NUDT5: variants seen among roughly 807,000 people sequenced by gnomAD.
NUDT5 encodes ADP-sugar pyrophosphatase.
In NUDT5, 21 loss-of-function variants were observed where a neutral mutation model predicts 34.1. The observed-to-expected ratio is 0.62, with a 90% CI of 0.44 to 0.89. The LOEUF (loss-of-function observed/expected upper bound fraction) is 0.89. NUDT5 is among the 40% of genes least tolerant of loss of function. The pLI is 0.00. For synonymous variants in NUDT5, 85 were observed against 97.6 expected (o/e 0.87, Z 0.76); for missense variants, 249 against 274.8 (o/e 0.91, Z 0.66).
At chr10:12,192,320 G>A (rs1835245578) in intron 1 of NUDT5, among the ~76,000 whole-genome samples, 1 of 151,160 alleles carries the variant, frequency 6.6e-6, no homozygotes. Flanking sequence ...AAAAAGAAAA[G>A]AAAAGAAAAG....
In NUDT5 at chr10:12,172,765, C is replaced by A; in HGVS notation, c.487G>T (p.Gly163Trp). 6.2e-7 allele frequency: 1 copy of A among 1,610,776 alleles called. No homozygotes were observed. The highest frequency in any genetic ancestry group is 8.5e-7 in the Non-Finnish European group (1 of 1,176,904). The change falls in exon 7 of 10, where the codon GGG becomes TGG. Residue 163 changes from glycine (G) to tryptophan (W), a missense_variant and splice_region_variant. Transcript: ENST00000491614. Reference sequence around the variant, plus strand: ...TTCATCACAGCCGACACACACATACCTGGCTTTGGCTTCGGCCTTGCGTTT... The same window carrying A: ...TTCATCACAGCCGACACACACATACATGGCTTTGGCTTCGGCCTTGCGTTT... ...AENARPKPKPGDGEFVEVISL... is the reference protein window; with the variant it reads ...AENARPKPKPWDGEFVEVISL...
At chr10:12,177,744 T>G (rs1167567838) in intron 5 of NUDT5, 49 bp downstream of exon 5, 2 of 1,336,494 alleles carry the variant, frequency 1.5e-6, no homozygotes, top group African/African-American at 2.9e-5. Context: ...GGCTTTACCC[T>G]GGTTCAGGCC....
At chr10:12,193,373 C>T (rs1006849681) in intron 1 of NUDT5, among the ~76,000 whole-genome samples, 1 of 152,162 alleles carries the variant, frequency 6.6e-6, no homozygotes, top group Non-Finnish European at 1.5e-5. Context: ...GATGATTAGT[C>T]ATGCTATGGA....
Position 12,187,840 on chromosome 10 carries a change from T to G in NUDT5, c.-41-1508A>C, listed in dbSNP as rs1015738085. ...TTCACTGATGATTTCCTCCCCTGTGTTTTCTCTGTTGTTTCTTTTAAGAAC... is the reference window on the plus strand; with the variant it reads ...TTCACTGATGATTTCCTCCCCTGTGGTTTCTCTGTTGTTTCTTTTAAGAAC... On this transcript the variant is annotated intron_variant, in intron 1 of 9. Coordinates refer to ENST00000491614, the MANE Select transcript of NUDT5 (RefSeq NM_014142.4). This position sits in a 1 kb window ranked among gnomAD's most constrained non-coding sequence, Gnocchi z 5.4. 2.0e-5 allele frequency among the ~76,000 whole-genome samples: 3 copies of G among 152,144 alleles called. No homozygotes were observed. The highest frequency in any genetic ancestry group is 4.4e-5 in the Non-Finnish European group (3 of 68,032).
At position 12,166,958 on chromosome 10, in the gene NUDT5, T is replaced by C. The variant is rs956587626; in HGVS notation, c.*744A>G. On this transcript the variant is annotated 3_prime_UTR_variant, in exon 10 of 10. Coordinates refer to ENST00000491614, the MANE Select transcript of NUDT5 (RefSeq NM_014142.4). ...CATCAAGATATTACTGCCCCAAACA[T>C]GTCAGTCTTACAGATTTGTTTTCAG... The C allele has an allele frequency of 2.5e-5, 6 of 243,518 alleles. No homozygotes were observed. The highest frequency in any genetic ancestry group is 5.1e-5 in the Non-Finnish European group (6 of 116,776). 15.1% of individuals were successfully genotyped at this position (243,518 alleles called of 1,614,324 possible).
At chr10:12,177,977 A>G (rs1156616985) in intron 4 of NUDT5, 77 bp from the exon 5 acceptor site, 2 of 1,017,124 alleles carry the variant, frequency 2.0e-6, no homozygotes, top group African/African-American at 1.6e-5. Context: ...GAGCAAGCTA[A>G]TGAAAACCCC....
Position 12,175,091 on chromosome 10 carries a change from G to A in NUDT5, c.290-1278C>T, listed in dbSNP as rs553330659. Among the ~76,000 whole-genome samples the A allele has an allele frequency of 5.3e-5, 8 of 152,004 alleles. No homozygotes were observed. Among genetic ancestry groups the A allele is most frequent in the African/African-American group, 9.6e-5 (4 of 41,458 alleles). The stretch of plus-strand genomic sequence containing the variant: ...CCCCAGCACTTTGGGAGGCCGAGGC[G>A]GGCAGATCACCTGAGGTCAGGGGTT... On this transcript the variant is annotated intron_variant, in intron 5 of 9. Transcript: ENST00000491614. This position sits in a 1 kb window ranked among gnomAD's most constrained non-coding sequence, Gnocchi z 4.8.
chr10:12,183,784 C>A (rs1489559901), intron 3 of NUDT5, among the ~76,000 whole-genome samples: 1 of 152,118 alleles, frequency 6.6e-6, no homozygotes, highest in Admixed American at 6.5e-5. Context: ...TTTTCTTACA[C>A]GTTATTTGGC....
rs1344432399 is a variant in NUDT5 at position 12,187,176 on chromosome 10, G to T, written c.-41-844C>A. ...GCCTCCTGAGTAGCTGGGATTACAG[G>T]TGCATGCTACCACAGCCAACTAATG... On this transcript the variant is annotated intron_variant, in intron 1 of 9. Coordinates refer to ENST00000491614, the MANE Select transcript of NUDT5 (RefSeq NM_014142.4). This position sits in a 1 kb window ranked among gnomAD's most constrained non-coding sequence, Gnocchi z 5.4. 6.6e-6 allele frequency among the ~76,000 whole-genome samples: 1 copy of T among 152,172 alleles called. No homozygotes were observed. The highest frequency in any genetic ancestry group is 6.5e-5 in the Admixed American group (1 of 15,280).
At chr10:12,167,844 G>A (rs1251719341) in intron 9 of NUDT5, 33 bp from the exon 10 acceptor site, 1 of 1,611,638 alleles carries the variant, frequency 6.2e-7, no homozygotes, top group East Asian at 2.2e-5. Context: ...CTTAGATCAT[G>A]CCGTTAAGGA....
Position 12,170,087 on chromosome 10 carries a change from C to T in NUDT5, c.550+630G>A. ...TCCACACAGTATCTCCTCATGTCTC[C>T]ATACAGTATCTCCTCTCGTGGTTTT... On this transcript the variant is annotated intron_variant, in intron 9 of 9. Coordinates refer to ENST00000491614, the MANE Select transcript of NUDT5 (RefSeq NM_014142.4). The surrounding 1 kb of genome is among the most constrained non-coding windows in gnomAD (Gnocchi z 4.9). The T allele has an allele frequency of 6.2e-7, 1 of 1,606,716 alleles. No homozygotes were observed. Among genetic ancestry groups the T allele is most frequent in the Non-Finnish European group, 8.5e-7 (1 of 1,174,326 alleles).
At chr10:12,188,747 A>AAG (rs1835170258) in intron 1 of NUDT5, among the ~76,000 whole-genome samples, 1 of 151,058 alleles carries the variant, frequency 6.6e-6, no homozygotes, top group African/African-American at 2.4e-5. Flanking sequence ...AAAAAAAAAA[A>AAG]AAAAAGTGGT....
Position 12,187,689 on chromosome 10 carries a change from C to T in NUDT5, c.-41-1357G>A, listed in dbSNP as rs943451832. ...TCTTTTTGCCATGTGACCTGTCTTCCTCCTCTGGAAGCTTGTAGTTAGTCA... is the reference window on the plus strand; with the variant it reads ...TCTTTTTGCCATGTGACCTGTCTTCTTCCTCTGGAAGCTTGTAGTTAGTCA... On this transcript the variant is annotated intron_variant, in intron 1 of 9. Coordinates refer to ENST00000491614, the MANE Select transcript of NUDT5 (RefSeq NM_014142.4). This position sits in a 1 kb window ranked among gnomAD's most constrained non-coding sequence, Gnocchi z 5.4. 3.3e-5 allele frequency among the ~76,000 whole-genome samples: 5 copies of T among 152,188 alleles called. No homozygotes were observed. Among genetic ancestry groups the T allele is most frequent in the African/African-American group, 1.2e-4 (5 of 41,442 alleles).
In NUDT5 at chr10:12,182,247, CAG is replaced by C. The variant is rs761560094; in HGVS notation, c.131+2640_131+2641del. Among the ~76,000 whole-genome samples the C allele has an allele frequency of 8.5e-4, 129 of 152,266 alleles. No individual in the cohort carries two copies. The highest frequency in any genetic ancestry group is 1.5e-3 in the Non-Finnish European group (103 of 68,012). ...TGTGTTCTGACTGCAGCCTGTCACA[CAG>C]AGTCAGGTGTGGAATTCTCCAGCTG... On this transcript the variant is annotated intron_variant, in intron 3 of 9. Transcript: ENST00000491614. This position sits in a 1 kb window ranked among gnomAD's most constrained non-coding sequence, Gnocchi z 4.3.
In NUDT5 at chr10:12,171,162, T is replaced by C. The variant is rs1456950915; in HGVS notation, c.488-254A>G. 6.6e-6 allele frequency among the ~76,000 whole-genome samples: 1 copy of C among 152,184 alleles called. No homozygotes were observed. Among genetic ancestry groups the C allele is most frequent in the Non-Finnish European group, 1.5e-5 (1 of 68,044 alleles). On this transcript the variant is annotated intron_variant, in intron 7 of 9. Transcript: ENST00000491614. This position sits in a 1 kb window ranked among gnomAD's most constrained non-coding sequence, Gnocchi z 4.2. ...ATATGAATCTGCGTATTATGTAAAA[T>C]ATACAGAACATATAAAAACTTACCT...
chr10:12,172,300 A>C (rs912832725), intron 7 of NUDT5, among the ~76,000 whole-genome samples: 2 of 151,702 alleles, frequency 1.3e-5, no homozygotes, highest in African/African-American at 4.8e-5. Context: ...TTTTTAAGAG[A>C]GACATGGTCT....
chr10:12,183,912 G>T (rs1292352961), intron 3 of NUDT5, among the ~76,000 whole-genome samples: 1 of 152,066 alleles, frequency 6.6e-6, no homozygotes, highest in Non-Finnish European at 1.5e-5. Context: ...TTTTACCAAG[G>T]GAATACACTA....
chr10:12,170,367 A>G lies in NUDT5; in HGVS notation c.550+350T>C. On this transcript the variant is annotated intron_variant, in intron 9 of 9. Coordinates refer to ENST00000491614, the MANE Select transcript of NUDT5 (RefSeq NM_014142.4). This position sits in a 1 kb window ranked among gnomAD's most constrained non-coding sequence, Gnocchi z 4.9. Reference sequence around the variant, plus strand: ...ATCCCTCATACTAGCATACTTGAGGAAAAGCTAACAGCTTATCTACCCACA... The same window carrying G: ...ATCCCTCATACTAGCATACTTGAGGGAAAGCTAACAGCTTATCTACCCACA... The G allele has an allele frequency of 1.5e-6, 1 of 665,778 alleles. No individual in the cohort carries two copies. The highest frequency in any genetic ancestry group is 2.6e-6 in the Non-Finnish European group (1 of 389,282). The allele number at this position is 665,778 out of a possible 1,614,324, so 41.2% of individuals were successfully genotyped here. A position where few individuals can be genotyped will look rare whatever the true frequency, so the allele number is the denominator to read the frequency against.
rs199697089 is a variant in NUDT5, at chr10:12,167,693, T to C, written c.*9A>G. 2.6e-3 allele frequency: 4,140 copies of C among 1,613,680 alleles called. 12 individuals are homozygous for C. Among genetic ancestry groups the C allele is most frequent in the Non-Finnish European group, 3.4e-3 (3,960 of 1,179,726 alleles). ...TCGTTTACAAAAATGGCCAGTGTCA[T>C]ATTTGGGCTTAAAATTTCAAGAAGG... is the stretch of plus-strand genomic sequence containing the variant. On this transcript the variant is annotated 3_prime_UTR_variant, in exon 10 of 10. Transcript: ENST00000491614.
Sources: allele counts gnomAD v4.1 joint callset (sites outside exome capture counted in the v4.1 genomes callset), GRCh38; gene constraint gnomAD v4.1.1; non-coding constraint Gnocchi (gnomAD v3.1); transcripts MANE v1.5; gene names NCBI Gene and HGNC (gene_info 2026-07-23, HGNC 2026-07-21).